SHCBP1: variants seen among roughly 807,000 people sequenced by gnomAD.
SHCBP1 encodes the protein SHC binding and spindle associated 1.
SHCBP1 carries 60 observed loss-of-function variants against 75.1 expected under a neutral mutation model. The observed-to-expected ratio is 0.80, with a 90% CI of 0.65 to 0.99. SHCBP1 has a LOEUF of 0.99. SHCBP1 is among the 50% of genes least tolerant of loss of function. The pLI, the probability that SHCBP1 is intolerant of heterozygous loss-of-function variation, is 0.00. For missense variants in SHCBP1, 709 were observed against 809.4 expected (o/e 0.88, Z 1.50); for synonymous variants, 290 against 293.2 (o/e 0.99, Z 0.11).
intron 9 of SHCBP1, 107 bp from the exon 10 acceptor site, chr16:46,595,777 C>T: frequency 1.6e-6 from 1 of 636,356 alleles, no homozygotes. Flanking sequence ...TTCTCAATGG[C>T]TATCATTTAA....
chr16:46,593,416 G>T (rs1490877222), intron 10 of SHCBP1, among the ~76,000 whole-genome samples: 1 of 152,130 alleles, frequency 6.6e-6, no homozygotes, highest in Non-Finnish European at 1.5e-5. Context: ...ATGCTGAAGA[G>T]TACACAATGC....
chr16:46,619,994 G>A (rs1965560063), intron 1 of SHCBP1, among the ~76,000 whole-genome samples: 1 of 152,050 alleles, frequency 6.6e-6, no homozygotes, highest in Non-Finnish European at 1.5e-5. Context: ...GACATTGTGT[G>A]CCACTGCACT....
chr16:46,620,519 T>C (rs1033703970), intron 1 of SHCBP1: 3 of 152,212 alleles, frequency 2.0e-5, no homozygotes, highest in Non-Finnish European at 4.4e-5. Context: ...TCACCACAAG[T>C]ACAACCATTG....
chr16:46,589,101 G>A (rs1220524215), intron 10 of SHCBP1, among the ~76,000 whole-genome samples: 2 of 152,098 alleles, frequency 1.3e-5, no homozygotes. Flanking sequence ...TGCAGAAAAG[G>A]CCTTCAACAA....
At chr16:46,595,817 A>G (rs1301529206) in intron 9 of SHCBP1, 147 bp from the exon 10 acceptor site, 1 of 553,692 alleles carries the variant, frequency 1.8e-6, no homozygotes, top group Non-Finnish European at 3.1e-6. Flanking sequence ...AAATTCATAA[A>G]ATATAAAACA....
chr16:46,593,460 G>A (rs1254664775), intron 10 of SHCBP1, among the ~76,000 whole-genome samples: 1 of 152,106 alleles, frequency 6.6e-6, no homozygotes, highest in Non-Finnish European at 1.5e-5. Context: ...GCTGGGTGTG[G>A]GGGCTCATGT....
chr16:46,598,781 A>G (rs1399700612), intron 9 of SHCBP1, among the ~76,000 whole-genome samples: 1 of 152,246 alleles, frequency 6.6e-6, no homozygotes, highest in African/African-American at 2.4e-5. Context: ...AGGTTATTTC[A>G]TCTACACTGA....
In SHCBP1 at chr16:46,584,070, T is replaced by G; in HGVS notation, c.1484A>C (p.Tyr495Ser). 1.2e-6 allele frequency: 2 copies of G among 1,600,904 alleles called. No individual in the cohort carries two copies. Among genetic ancestry groups the G allele is most frequent in the Non-Finnish European group, 1.7e-6 (2 of 1,172,462 alleles). ...ACTCAGGGTGCACTGACTCCCAGGG[T>G]AGATTTCTATACCAGCACCCTGTGA... ...YGAKGAGIEIYPGSQCTLSDN... is the reference protein window; with the variant it reads ...YGAKGAGIEISPGSQCTLSDN... The change falls in exon 11 of 13, where the codon TAC (tyrosine) becomes TCC (serine). Residue 495 changes from tyrosine to serine, a missense_variant. Coordinates refer to ENST00000303383, the MANE Select transcript of SHCBP1 (RefSeq NM_024745.5).
At chr16:46,602,936 AGTT>A (rs1302231903) in intron 8 of SHCBP1, among the ~76,000 whole-genome samples, 1 of 152,192 alleles carries the variant, frequency 6.6e-6, no homozygotes, top group Non-Finnish European at 1.5e-5. Flanking sequence ...CAGCCCAAAA[AGTT>A]ATTTTTAATA....
At chr16:46,603,832 G>C in intron 7 of SHCBP1, 143 bp downstream of exon 7, 1 of 1,294,308 alleles carries the variant, frequency 7.7e-7, no homozygotes, top group Non-Finnish European at 1.1e-6. Flanking sequence ...GACTACTGCT[G>C]ATGAAAGGCA....
chr16:46,617,562 C>T (rs935440434), intron 3 of SHCBP1, 72 bp downstream of exon 3: 2 of 1,140,086 alleles, frequency 1.8e-6, no homozygotes, highest in African/African-American at 3.1e-5. Flanking sequence ...AAAATAAGCA[C>T]TTTGGATATA....
chr16:46,587,820 G>A (rs566448758), intron 10 of SHCBP1, among the ~76,000 whole-genome samples: 11 of 152,240 alleles, frequency 7.2e-5, no homozygotes, highest in Middle Eastern at 6.8e-3. Flanking sequence ...GGACCTAATA[G>A]ACATCTACAG....
intron 10 of SHCBP1, among the ~76,000 whole-genome samples, chr16:46,587,028 G>A (rs1255065722): frequency 6.6e-6 from 1 of 152,000 alleles, no homozygotes; most frequent in African/African-American, 2.4e-5. Context: ...AACACAGTAA[G>A]CAAAGATATA....
At chr16:46,609,884 TCA>T (rs1446537012) in intron 4 of SHCBP1, among the ~76,000 whole-genome samples, 1 of 151,866 alleles carries the variant, frequency 6.6e-6, no homozygotes, top group Non-Finnish European at 1.5e-5. Context: ...AATTACCAAC[TCA>T]CAGTCTTATT....
At chr16:46,600,424 C>A (rs1420307433) in intron 8 of SHCBP1, among the ~76,000 whole-genome samples, 1 of 152,010 alleles carries the variant, frequency 6.6e-6, no homozygotes, top group Admixed American at 6.6e-5. Context: ...TATGATCATG[C>A]CATTGCACTC....
Position 46,604,217 on chromosome 16 carries a change from G to C in SHCBP1, c.923+11C>G, listed in dbSNP as rs1189739683. 5 of 1,613,574 alleles carry C rather than the reference G, an allele frequency of 3.1e-6. No individual in the cohort carries two copies. The highest frequency in any genetic ancestry group is 2.2e-5 in the South Asian group (2 of 91,060). ...ATGCTGACTAACTAAGAATTACAAA[G>C]ACACACATACCTCAACAAAGGATTC... On this transcript the variant is annotated intron_variant, in intron 6 of 12. Transcript: ENST00000303383.
intron 10 of SHCBP1, among the ~76,000 whole-genome samples, chr16:46,588,591 C>A (rs527247420): frequency 6.6e-6 from 1 of 152,032 alleles, no homozygotes; most frequent in Non-Finnish European, 1.5e-5. Flanking sequence ...ATAAATTCCT[C>A]AACACATACA....
chr16:46,603,721 C>G, intron 7 of SHCBP1, 62 bp from the exon 8 acceptor site: 1 of 1,589,980 alleles, frequency 6.3e-7, no homozygotes, highest in Non-Finnish European at 8.6e-7. Context: ...TTGAGTATTA[C>G]TCTAGGTGAC....
rs535855137 is a variant in SHCBP1, at chr16:46,591,126, T to C, written c.1464+4426A>G. On this transcript the variant is annotated intron_variant, in intron 10 of 12. Transcript: ENST00000303383. ...GGTGGGAATTGAACAATGAGAACACTTGTACACAGGGTGGGGAACATCACA... is the reference window on the plus strand; with the variant it reads ...GGTGGGAATTGAACAATGAGAACACCTGTACACAGGGTGGGGAACATCACA... 9.2e-5 allele frequency among the ~76,000 whole-genome samples: 14 copies of C among 152,102 alleles called. No homozygotes were observed. In the South Asian group the frequency reaches 2.9e-3, roughly 32 times the overall value.
Sources: gnomAD v4.1 joint callset for allele counts (sites outside exome capture counted in the v4.1 genomes callset) on GRCh38, gnomAD v4.1.1 for gene constraint, MANE v1.5 for transcripts, NCBI Gene and HGNC (gene_info 2026-07-23, HGNC 2026-07-21) for gene names.